Variants in METAP1D observed in about 807,000 individuals in gnomAD.
METAP1D encodes methionine aminopeptidase 1D, mitochondrial.
Under a neutral mutation model 40.5 loss-of-function variants are expected in METAP1D, and 31 were observed. The ratio of observed to expected loss-of-function variants is 0.77; its 90% CI spans 0.58 to 1.03. METAP1D has a LOEUF of 1.03. Ranked by LOEUF, METAP1D falls within the 50% of genes least tolerant of loss-of-function variation. The probability of loss-of-function intolerance (pLI) is 0.00; values close to 1 mark genes in which losing one functional copy is unlikely to be tolerated. For missense variants in METAP1D, 411 were observed against 420.7 expected, an observed-to-expected ratio of 0.98 and a Z score of 0.20; for synonymous variants, 151 against 146.4, an observed-to-expected ratio of 1.03 and a Z score of -0.22.
chr2:172,025,100 C>T (rs1446003680), intron 1 of METAP1D, among the ~76,000 whole-genome samples: 1 of 152,114 alleles, frequency 6.6e-6, no homozygotes, highest in Non-Finnish European at 1.5e-5. Flanking sequence ...GGTTAAGAAA[C>T]CTTGGTGTGT....
intron 1 of METAP1D, among the ~76,000 whole-genome samples, chr2:172,048,724 A>ACT (rs1434224281): frequency 7.2e-5 from 11 of 152,334 alleles, no homozygotes; most frequent in Middle Eastern, 3.4e-3. Context: ...TACTTCAAAA[A>ACT]GTGTCCCATC....
chr2:172,008,932 C>CT (rs1251081801), intron 1 of METAP1D, among the ~76,000 whole-genome samples: 1 of 152,118 alleles, frequency 6.6e-6, no homozygotes, highest in Non-Finnish European at 1.5e-5. Context: ...TGTGGACCTG[C>CT]TGACAAAAGG....
chr2:172,003,650 G>A (rs1039484695), intron 1 of METAP1D, among the ~76,000 whole-genome samples: 3 of 152,084 alleles, frequency 2.0e-5, no homozygotes, highest in Non-Finnish European at 4.4e-5. Flanking sequence ...GAGGCCTCCC[G>A]AGCCATGCAG....
intron 1 of METAP1D, among the ~76,000 whole-genome samples, chr2:172,051,214 A>G (rs959028363): frequency 1.3e-5 from 2 of 152,140 alleles, no homozygotes; most frequent in African/African-American, 2.4e-5. Flanking sequence ...AGTTCTGACT[A>G]TAATCTTTGG....
chr2:172,037,354 G>A (rs528617344), intron 1 of METAP1D, among the ~76,000 whole-genome samples: 1 of 151,464 alleles, frequency 6.6e-6, no homozygotes, highest in East Asian at 1.9e-4. Flanking sequence ...TCTGGTCATC[G>A]ATATCTACTT....
At chr2:172,043,582 G>A (rs1689669263) in intron 1 of METAP1D, among the ~76,000 whole-genome samples, 1 of 134,250 alleles carries the variant, frequency 7.4e-6, no homozygotes, top group Non-Finnish European at 1.7e-5. Flanking sequence ...TACGTTTAAT[G>A]TTTTACAAAA....
intron 1 of METAP1D, among the ~76,000 whole-genome samples, chr2:172,005,744 G>A (rs1183949880): frequency 1.3e-5 from 2 of 151,028 alleles, no homozygotes; most frequent in African/African-American, 4.9e-5. Context: ...TCACCATGTT[G>A]GCCAGGCTGA....
At chr2:172,052,542 C>G (rs1013281163) in intron 1 of METAP1D, among the ~76,000 whole-genome samples, 4 of 152,204 alleles carry the variant, frequency 2.6e-5, no homozygotes, top group African/African-American at 9.6e-5. Flanking sequence ...CAGTTAACCC[C>G]TGGAAGGAAG....
At chr2:172,031,585 T>C (rs1195523936) in intron 1 of METAP1D, among the ~76,000 whole-genome samples, 1 of 152,198 alleles carries the variant, frequency 6.6e-6, no homozygotes, top group Non-Finnish European at 1.5e-5. Context: ...CCAAAGTGTT[T>C]CCAGAATAAT....
chr2:172,039,675 TG>T (rs1229840673), intron 1 of METAP1D, among the ~76,000 whole-genome samples: 54,994 of 142,020 alleles, frequency 0.39, 11,685 homozygotes, highest in African/African-American at 0.54. Flanking sequence ...AACTTTTTTT[TG>T]TTTTTTTTTG....
chr2:172,045,751 G>GTATA (rs1403102662), intron 1 of METAP1D, among the ~76,000 whole-genome samples: 1 of 71,512 alleles, frequency 1.4e-5, no homozygotes, highest in African/African-American at 4.6e-5. Flanking sequence ...GTGTATATAT[G>GTATA]TATATATGTG....
At chr2:172,012,327 G>A (rs1308822174) in intron 1 of METAP1D, among the ~76,000 whole-genome samples, 4 of 152,262 alleles carry the variant, frequency 2.6e-5, no homozygotes, top group South Asian at 2.1e-4. Context: ...GACATCGCCC[G>A]AGCGCAGGGG....
At chr2:172,073,391 A>AAAG (rs938530901) in intron 6 of METAP1D, among the ~76,000 whole-genome samples, 11 of 152,104 alleles carry the variant, frequency 7.2e-5, no homozygotes, top group African/African-American at 2.4e-4. Context: ...ATTAAAAAAA[A>AAAG]AAGAAGAAGA....
At chr2:172,061,214 C>G (rs963229827) in intron 1 of METAP1D, among the ~76,000 whole-genome samples, 5 of 152,196 alleles carry the variant, frequency 3.3e-5, no homozygotes, top group Non-Finnish European at 7.3e-5. Flanking sequence ...GTTCTTTTTA[C>G]AGACCTGGTG....
rs1473433995 is a variant in METAP1D, at chr2:172,045,401, C to G, written c.41-16097C>G. Among the ~76,000 whole-genome samples, 2 of 132,680 alleles carry G rather than the reference C, an allele frequency of 1.5e-5. 1 individual carries two copies. The highest frequency in any genetic ancestry group is 5.1e-5 in the African/African-American group (2 of 39,292). The allele number at this position is 132,680 out of a possible 152,430, so 87.0% of individuals were successfully genotyped here. ...ATAAGCCGGGCGCGGTGGCTCACCC[C>G]TGTAATCCCAGCACTTTGAGAGGCC... On this transcript the variant is annotated intron_variant, in intron 1 of 9. Coordinates refer to ENST00000315796, the MANE Select transcript of METAP1D (RefSeq NM_199227.3).
At chr2:172,057,743 T>A (rs540575120) in intron 1 of METAP1D, among the ~76,000 whole-genome samples, 167 of 152,344 alleles carry the variant, frequency 1.1e-3, no homozygotes, top group Admixed American at 1.8e-3. Context: ...TACTGCATGT[T>A]CCTTTGTGTG....
chr2:172,045,699 ATGTGTGTGTGTGTG>A (rs796722451), intron 1 of METAP1D, among the ~76,000 whole-genome samples: 1 of 82,218 alleles, frequency 1.2e-5, no homozygotes, highest in African/African-American at 4.6e-5. Flanking sequence ...ATTCATATAT[ATGTGTGTGTGTGTG>A]TGTGTGTGTG....
chr2:172,002,902 G>C (rs574753027), intron 1 of METAP1D, among the ~76,000 whole-genome samples: 7 of 152,220 alleles, frequency 4.6e-5, no homozygotes, highest in Non-Finnish European at 8.8e-5. Flanking sequence ...GGTTTCTCTT[G>C]TGACGCCTCA....
At chr2:172,066,129 C>A in intron 4 of METAP1D, 135 bp from the exon 5 acceptor site, 1 of 676,452 alleles carries the variant, frequency 1.5e-6, no homozygotes, top group Non-Finnish European at 2.5e-6. Context: ...ATTTAGTTAT[C>A]CTGTGTAGTC....
Sources: allele counts gnomAD v4.1 joint callset (sites outside exome capture counted in the v4.1 genomes callset), GRCh38; gene constraint gnomAD v4.1.1; transcripts MANE v1.5; gene names NCBI Gene and HGNC (gene_info 2026-07-23, HGNC 2026-07-21).